ZNF69: variants seen among roughly 807,000 people sequenced by gnomAD.
ZNF69 encodes the protein zinc finger protein 69.
In ZNF69, 47 loss-of-function variants were observed where a neutral mutation model predicts 50.9. The ratio of observed to expected loss-of-function variants is 0.92; its 90% CI spans 0.73 to 1.18. The LOEUF is 1.18. Among genes scored for constraint, ZNF69 ranks in the 50% most tolerant of loss-of-function variants. ZNF69 has a pLI of 0.00. For missense variants in ZNF69, 717 were observed against 675.1 expected, an observed-to-expected ratio of 1.06 and a Z score of -0.69; for synonymous variants, 216 against 223.1, an observed-to-expected ratio of 0.97 and a Z score of 0.29.
At chr19:11,928,943 A>G in the ZNF69 span, among the ~76,000 whole-genome samples, 1 of 146,536 alleles carries the variant, frequency 6.8e-6, no homozygotes, top group African/African-American at 2.7e-5. Flanking sequence ...AATATAAGTT[A>G]AAAAAAATAG....
chr19:11,943,680 C>T, the ZNF69 span, among the ~76,000 whole-genome samples: 1 of 152,200 alleles, frequency 6.6e-6, no homozygotes, highest in Non-Finnish European at 1.5e-5. Context: ...AGTTCCTAGG[C>T]ATTCATAATA....
the ZNF69 span, among the ~76,000 whole-genome samples, chr19:11,924,158 C>T: frequency 1.3e-5 from 2 of 152,146 alleles, no homozygotes; most frequent in East Asian, 3.9e-4. Flanking sequence ...TGTGGCCGGG[C>T]GCGGTGGCTC....
chr19:11,892,012 T>C (rs994572039), intron 1 of ZNF69, among the ~76,000 whole-genome samples: 4 of 152,128 alleles, frequency 2.6e-5, no homozygotes, highest in Admixed American at 6.6e-5. Context: ...GAATGTCTTG[T>C]TCTGTGGCCC....
chr19:11,905,195 C>A lies in ZNF69; in HGVS notation c.798C>A (p.His266Gln). ...GTTATTCTGCTACCCTTCGAATACA[C>A]GAAAGAACTCACACTGGAGAAAAGC... ...SFSYSATLRI[H>Q]ERTHTGEKPY... The change falls in exon 4 of 4, where the codon CAC (histidine) becomes CAA (glutamine). Residue 266 changes from histidine to glutamine, a missense_variant. His to Gln is a conservative substitution (Grantham distance 24). Transcript: ENST00000429654. The A allele has an allele frequency of 1.9e-6, 3 of 1,613,960 alleles. No homozygotes were observed. Among genetic ancestry groups the A allele is most frequent in the Non-Finnish European group, 2.5e-6 (3 of 1,180,008 alleles).
intron 1 of ZNF69, among the ~76,000 whole-genome samples, chr19:11,894,197 C>A (rs1386071546): frequency 6.6e-6 from 1 of 152,078 alleles, no homozygotes; most frequent in Non-Finnish European, 1.5e-5. Flanking sequence ...TGAGACAGAG[C>A]CTTGCTCAGT....
chr19:11,921,792 T>C, the ZNF69 span, among the ~76,000 whole-genome samples: 2 of 152,166 alleles, frequency 1.3e-5, no homozygotes, highest in East Asian at 1.9e-4. Flanking sequence ...CATGAGCCAC[T>C]GCGCCCGGCC....
At chr19:11,942,526 G>A in the ZNF69 span, among the ~76,000 whole-genome samples, 5 of 152,058 alleles carry the variant, frequency 3.3e-5, no homozygotes, top group Non-Finnish European at 5.9e-5. Context: ...GGCTTTATTC[G>A]GCCAGGAGCG....
At chr19:11,947,913 C>T in the ZNF69 span, among the ~76,000 whole-genome samples, 1 of 152,114 alleles carries the variant, frequency 6.6e-6, no homozygotes, top group South Asian at 2.1e-4. Flanking sequence ...GAGGCGAAGG[C>T]AGGAGGATCA....
At chr19:11,965,270 A>G in the ZNF69 span, 1 of 1,611,560 alleles carries the variant, frequency 6.2e-7, no homozygotes, top group Non-Finnish European at 8.5e-7. Flanking sequence ...AACCGGCCGG[A>G]ACCGGCTGCG....
At chr19:11,893,451 T>C (rs1977144816) in intron 1 of ZNF69, among the ~76,000 whole-genome samples, 1 of 152,204 alleles carries the variant, frequency 6.6e-6, no homozygotes, top group African/African-American at 2.4e-5. Context: ...AATCTGTGTC[T>C]GAACATTTCA....
the ZNF69 span, chr19:11,950,502 G>C: frequency 1.5e-6 from 1 of 651,240 alleles, no homozygotes. Flanking sequence ...TTGATATCAT[G>C]AAAGGACTTA....
chr19:11,945,242 A>G, the ZNF69 span, among the ~76,000 whole-genome samples: 1 of 152,198 alleles, frequency 6.6e-6, no homozygotes, highest in Non-Finnish European at 1.5e-5. Context: ...TTGTGACCCC[A>G]TATAGAGGTT....
At chr19:11,934,120 G>A in the ZNF69 span, among the ~76,000 whole-genome samples, 2 of 148,072 alleles carry the variant, frequency 1.4e-5, no homozygotes, top group Admixed American at 1.3e-4. Context: ...GAGGTGAGAC[G>A]ATTGCTTGAG....
the ZNF69 span, among the ~76,000 whole-genome samples, chr19:11,967,075 C>T: frequency 6.6e-6 from 1 of 152,194 alleles, no homozygotes; most frequent in Admixed American, 6.5e-5. Context: ...TGGCTTAGGC[C>T]TGTAATTCAA....
chr19:11,948,230 G>A, the ZNF69 span: 1 of 1,580,600 alleles, frequency 6.3e-7, no homozygotes, highest in African/African-American at 1.4e-5. Context: ...TAATATAGAA[G>A]TACTTGTAAA....
chr19:11,972,385 A>C, the ZNF69 span, among the ~76,000 whole-genome samples: 1 of 152,232 alleles, frequency 6.6e-6, no homozygotes, highest in Non-Finnish European at 1.5e-5. Flanking sequence ...TGTGGCTGAT[A>C]ATTGAAATTC....
At chr19:11,918,101 T>A (rs1358636669), downstream of ZNF69, among the ~76,000 whole-genome samples, 1 of 152,146 alleles carries the variant, frequency 6.6e-6, no homozygotes, top group Non-Finnish European at 1.5e-5. Context: ...CTTGATCTTA[T>A]TGACAATGCT....
the ZNF69 span, among the ~76,000 whole-genome samples, chr19:11,974,059 T>A: frequency 6.7e-6 from 1 of 149,266 alleles, no homozygotes; most frequent in Admixed American, 6.6e-5. Context: ...TTTCTTTCTT[T>A]CCTTCTTTCT....
the ZNF69 span, among the ~76,000 whole-genome samples, chr19:11,934,311 G>T: frequency 1.1e-4 from 17 of 147,916 alleles, 2 homozygotes; most frequent in Middle Eastern, 3.4e-3. Context: ...AATATTGTAG[G>T]ATTGAGACTA....
Sources: gnomAD v4.1 joint callset for allele counts (sites outside exome capture counted in the v4.1 genomes callset) on GRCh38, gnomAD v4.1.1 for gene constraint, MANE v1.5 for transcripts, NCBI Gene and HGNC (gene_info 2026-07-23, HGNC 2026-07-21) for gene names.